KCTD8: variants seen among roughly 807,000 people sequenced by gnomAD.
The protein encoded by KCTD8 is BTB/POZ domain-containing protein KCTD8.
In KCTD8, 27 loss-of-function variants were observed where a neutral mutation model predicts 31.5. The ratio of observed to expected loss-of-function variants is 0.86; its 90% CI spans 0.63 to 1.18. KCTD8 has a LOEUF of 1.18. KCTD8 is among the 50% of genes most tolerant of loss of function. KCTD8 has a pLI of 0.00. For missense variants in KCTD8, 658 were observed against 647.7 expected (o/e 1.02, Z -0.17); for synonymous variants, 290 against 280.0 (o/e 1.04, Z -0.36).
At chr4:44,373,413 C>T (rs1045605347) in intron 1 of KCTD8, among the ~76,000 whole-genome samples, 1 of 151,790 alleles carries the variant, frequency 6.6e-6, no homozygotes, top group Non-Finnish European at 1.5e-5. Context: ...CAGAGTGGGG[C>T]TGCCTGGGAT....
intron 1 of KCTD8, among the ~76,000 whole-genome samples, chr4:44,316,114 C>T (rs1718101242): frequency 6.6e-6 from 1 of 151,914 alleles, no homozygotes; most frequent in African/African-American, 2.4e-5. Context: ...TCTTCTGTTT[C>T]TTTTCTGTCC....
chr4:44,273,269 G>T (rs1400787300), intron 1 of KCTD8, among the ~76,000 whole-genome samples: 2 of 151,860 alleles, frequency 1.3e-5, no homozygotes, highest in Admixed American at 6.6e-5. Context: ...CAAGTATATT[G>T]AAAGGCATTT....
intron 1 of KCTD8, among the ~76,000 whole-genome samples, chr4:44,175,755 A>G (rs555816299): frequency 3.5e-4 from 53 of 152,320 alleles, no homozygotes; most frequent in African/African-American, 1.2e-3. Flanking sequence ...CAGAGCTGCA[A>G]TCACATCATT....
chr4:44,425,771 C>T (rs1387302568), intron 1 of KCTD8, among the ~76,000 whole-genome samples: 1 of 151,808 alleles, frequency 6.6e-6, no homozygotes, highest in African/African-American at 2.4e-5. Context: ...GCAATCTATC[C>T]ATCATTATAA....
intron 1 of KCTD8, among the ~76,000 whole-genome samples, chr4:44,185,343 C>T (rs1713553335): frequency 6.6e-6 from 1 of 152,198 alleles, no homozygotes; most frequent in Admixed American, 6.5e-5. Context: ...ATTTCCTAAC[C>T]AATTCTCTGA....
At chr4:44,397,798 GTTC>G (rs1720543828) in intron 1 of KCTD8, among the ~76,000 whole-genome samples, 1 of 152,088 alleles carries the variant, frequency 6.6e-6, no homozygotes, top group African/African-American at 2.4e-5. Context: ...ACTGGCAAAT[GTTC>G]TTAATATGCG....
intron 1 of KCTD8, among the ~76,000 whole-genome samples, chr4:44,390,535 G>A (rs1489799235): frequency 6.6e-6 from 1 of 151,818 alleles, no homozygotes; most frequent in Non-Finnish European, 1.5e-5. Context: ...AGGCTGTTTT[G>A]GTGACTATGG....
chr4:44,385,934 G>A (rs1720200083), intron 1 of KCTD8, among the ~76,000 whole-genome samples: 1 of 151,426 alleles, frequency 6.6e-6, no homozygotes, highest in Non-Finnish European at 1.5e-5. Flanking sequence ...ATGAATGATT[G>A]ATAAGCACAT....
chr4:44,410,765 A>G (rs1053316463), intron 1 of KCTD8, among the ~76,000 whole-genome samples: 2 of 152,136 alleles, frequency 1.3e-5, no homozygotes, highest in Non-Finnish European at 2.9e-5. Context: ...TCACTATCAC[A>G]AGAACAGCAT....
At chr4:44,349,071 GCCA>G (rs200999276) in intron 1 of KCTD8, among the ~76,000 whole-genome samples, 25 of 136,688 alleles carry the variant, frequency 1.8e-4, no homozygotes, top group African/African-American at 4.0e-4. Context: ...CGCTGCCACC[GCCA>G]CCACCACCAC....
At chr4:44,400,728 C>A (rs1230162200) in intron 1 of KCTD8, among the ~76,000 whole-genome samples, 2,163 of 98,738 alleles carry the variant, frequency 0.022, no homozygotes, top group African/African-American at 0.028. Flanking sequence ...GACTCTGTCT[C>A]AAAAAAAAAA....
chr4:44,191,081 T>G (rs1314115576), intron 1 of KCTD8, among the ~76,000 whole-genome samples: 7 of 152,188 alleles, frequency 4.6e-5, no homozygotes, highest in Admixed American at 3.9e-4. Flanking sequence ...ATTGTGAAGA[T>G]TTCATGGACA....
intron 1 of KCTD8, among the ~76,000 whole-genome samples, chr4:44,311,394 T>C (rs1717946355): frequency 6.6e-6 from 1 of 152,090 alleles, no homozygotes; most frequent in Non-Finnish European, 1.5e-5. Context: ...TGTTTACCCA[T>C]TACATCCAAA....
At chr4:44,384,351 G>A (rs1186985741) in intron 1 of KCTD8, among the ~76,000 whole-genome samples, 1 of 151,782 alleles carries the variant, frequency 6.6e-6, no homozygotes. Flanking sequence ...ACATTCCTAC[G>A]TTTATTAGAG....
chr4:44,225,969 C>T (rs1251569576), intron 1 of KCTD8, among the ~76,000 whole-genome samples: 1 of 151,740 alleles, frequency 6.6e-6, no homozygotes, highest in Non-Finnish European at 1.5e-5. Flanking sequence ...TACAGGTGTC[C>T]GCCATCACGC....
chr4:44,397,863 A>G (rs1398175398), intron 1 of KCTD8, among the ~76,000 whole-genome samples: 1 of 152,170 alleles, frequency 6.6e-6, no homozygotes, highest in Non-Finnish European at 1.5e-5. Context: ...ATTTATTACA[A>G]TTATAATACC....
chr4:44,324,063 C>G (rs796271236), intron 1 of KCTD8, among the ~76,000 whole-genome samples: 1 of 131,948 alleles, frequency 7.6e-6, no homozygotes, highest in African/African-American at 3.1e-5. Context: ...AAAAACAAAA[C>G]AAAACAAAAC....
intron 1 of KCTD8, among the ~76,000 whole-genome samples, chr4:44,177,564 C>T (rs1560386644): frequency 1.3e-5 from 2 of 152,106 alleles, no homozygotes; most frequent in Admixed American, 1.3e-4. Context: ...GTGCTGTTCT[C>T]GCTATAGTGA....
intron 1 of KCTD8, among the ~76,000 whole-genome samples, chr4:44,291,960 G>GAAAA (rs571458412): frequency 1.1e-5 from 1 of 88,428 alleles, no homozygotes; most frequent in Non-Finnish European, 2.2e-5. Flanking sequence ...TGGCTATTAT[G>GAAAA]AAAAAAAAAA....
Sources: allele counts gnomAD v4.1 joint callset (sites outside exome capture counted in the v4.1 genomes callset), GRCh38; gene constraint gnomAD v4.1.1; transcripts MANE v1.5; gene names NCBI Gene and HGNC (gene_info 2026-07-23, HGNC 2026-07-21).